The following ABCB4 variants were observed in gnomAD, a reference collection of about 807,000 sequenced individuals.
The protein encoded by ABCB4 is phosphatidylcholine translocator ABCB4.
ABCB4 carries 76 observed loss-of-function variants against 145.7 expected under a neutral mutation model. The observed-to-expected ratio is 0.52, with a 90% CI of 0.43 to 0.63. ABCB4 has a LOEUF of 0.63. Ranked by LOEUF, ABCB4 falls within the 30% of genes least tolerant of loss-of-function variation. ABCB4 has a pLI of 0.00. For missense variants in ABCB4, 1,234 were observed against 1,553.1 expected, an observed-to-expected ratio of 0.79 and a Z score of 3.45; for synonymous variants, 517 against 566.8, an observed-to-expected ratio of 0.91 and a Z score of 1.25.
chr7:87,387,594 A>G, the ABCB4 span, among the ~76,000 whole-genome samples: 1 of 152,120 alleles, frequency 6.6e-6, no homozygotes, highest in Admixed American at 6.5e-5. Context: ...CACATTTTGT[A>G]TATGTATTAT....
upstream of ABCB4, chr7:87,475,687 G>A: frequency 1.7e-6 from 1 of 586,306 alleles, no homozygotes; most frequent in Non-Finnish European, 3.0e-6. Context: ...CGCTGCAGCA[G>A]AGGGGCCTGG....
chr7:87,460,137 A>C (rs1812354460), intron 4 of ABCB4, among the ~76,000 whole-genome samples: 1 of 152,190 alleles, frequency 6.6e-6, no homozygotes, highest in Admixed American at 6.5e-5. Context: ...GGAAGGTCAG[A>C]CCATTTAATA....
intron 25 of ABCB4, among the ~76,000 whole-genome samples, chr7:87,406,895 A>G (rs1808239717): frequency 6.6e-6 from 1 of 152,108 alleles, no homozygotes; most frequent in Admixed American, 6.5e-5. Flanking sequence ...ACAGCAGTGA[A>G]AAAGCTGATC....
At chr7:87,431,632 T>G in intron 14 of ABCB4, 67 bp from the exon 15 acceptor site, 1 of 1,590,082 alleles carries the variant, frequency 6.3e-7, no homozygotes, top group Non-Finnish European at 8.6e-7. Context: ...ACATGCACAG[T>G]TAAGCACTTG....
intron 17 of ABCB4, among the ~76,000 whole-genome samples, chr7:87,423,229 G>A (rs567032762): frequency 2.0e-5 from 3 of 152,262 alleles, no homozygotes; most frequent in African/African-American, 7.2e-5. Context: ...GGAATTGATG[G>A]AGGCTTTATA....
rs1178936087 is a variant in ABCB4 at position 87,443,694 on chromosome 7, T to G, written c.1199A>C (p.His400Pro). Residue 400 changes from histidine (H) to proline (P), a missense_variant, in exon 11 of 28, where the codon CAC becomes CCC. His to Pro is a moderately conservative substitution (Grantham distance 77). Around this residue, in one of 7 missense-constraint regions of ABCB4, gnomAD observed 467 missense variants for 632.8 expected, o/e 0.74. Transcript: ENST00000649586. ...GTTAGCTCGAGAAGGGTAAGAAAAG[T>G]GAACATCATTGAACTCCAAATTCCC... ...IKGNLEFNDV[H>P]FSYPSRANVK... 1 of 1,613,896 alleles carries G rather than the reference T, an allele frequency of 6.2e-7. No individual in the cohort carries two copies. The highest frequency in any genetic ancestry group is 1.3e-5 in the African/African-American group (1 of 74,938).
intron 3 of ABCB4, among the ~76,000 whole-genome samples, chr7:87,464,178 C>T (rs989767458): frequency 6.6e-6 from 1 of 152,120 alleles, no homozygotes; most frequent in Admixed American, 6.5e-5. Context: ...GTCAATAACC[C>T]GGGTGAGGCT....
chr7:87,390,706 TG>T, the ABCB4 span, among the ~76,000 whole-genome samples: 2 of 152,204 alleles, frequency 1.3e-5, no homozygotes, highest in Non-Finnish European at 2.9e-5. Context: ...GATATCACCC[TG>T]GGGAACTTCT....
chr7:87,472,016 G>A (rs1026868082), intron 3 of ABCB4, among the ~76,000 whole-genome samples: 1 of 152,168 alleles, frequency 6.6e-6, no homozygotes, highest in Non-Finnish European at 1.5e-5. Flanking sequence ...TCTTGAAATT[G>A]TTGAGTTTGC....
At chr7:87,465,598 C>A (rs954758873) in intron 3 of ABCB4, among the ~76,000 whole-genome samples, 9 of 152,206 alleles carry the variant, frequency 5.9e-5, no homozygotes, top group Admixed American at 4.6e-4. Flanking sequence ...GGACAGACTG[C>A]CTTCTCAAGT....
In ABCB4 at chr7:87,426,627, A is replaced by G. The variant is rs866246464; in HGVS notation, c.2064+123T>C. 5.2e-6 allele frequency: 5 copies of G among 958,830 alleles called. No homozygotes were observed. In the Middle Eastern group the frequency reaches 1.3e-3, roughly 249 times the overall value. 59.4% of individuals were successfully genotyped at this position (958,830 alleles called of 1,614,324 possible). ...TTAAAATTTGAAAATTTTTTTCTTT[A>G]CAAAGAGTATGGCTCATAGTAGCAG... On this transcript the variant is annotated intron_variant, in intron 16 of 27. Transcript: ENST00000649586.
chr7:87,401,103 A>C (rs1440084721), downstream of ABCB4, among the ~76,000 whole-genome samples: 1 of 152,226 alleles, frequency 6.6e-6, no homozygotes. Context: ...GCAGTAATGT[A>C]CTTTTTGCCC....
At chr7:87,458,231 C>T (rs369101416) in intron 4 of ABCB4, among the ~76,000 whole-genome samples, 1 of 152,180 alleles carries the variant, frequency 6.6e-6, no homozygotes, top group East Asian at 1.9e-4. Flanking sequence ...AAGTCCTTGA[C>T]ACTCTGCAGA....
chr7:87,429,567 A>G (rs1411883628), intron 15 of ABCB4, among the ~76,000 whole-genome samples: 1 of 152,252 alleles, frequency 6.6e-6, no homozygotes, highest in Non-Finnish European at 1.5e-5. Context: ...TGGCAATAGG[A>G]CAGCCAAGTG....
At chr7:87,466,065 T>G (rs962736194) in intron 3 of ABCB4, among the ~76,000 whole-genome samples, 2 of 152,044 alleles carry the variant, frequency 1.3e-5, no homozygotes, top group Admixed American at 6.6e-5. Flanking sequence ...CTTTGATGAG[T>G]TGAGAGAAGA....
At chr7:87,448,559 T>G (rs1052969570) in intron 8 of ABCB4, 2 of 152,248 alleles carry the variant, frequency 1.3e-5, no homozygotes, top group African/African-American at 4.8e-5. Context: ...GACTTGCATC[T>G]GCCCAGTGTG....
intron 9 of ABCB4, 124 bp from the exon 10 acceptor site, chr7:87,445,099 T>C: frequency 2.8e-6 from 2 of 718,594 alleles, no homozygotes; most frequent in Non-Finnish European, 4.7e-6. Context: ...TCCTTTTTTT[T>C]TTGTGGAAGA....
chr7:87,404,253 T>G (rs1808020226), intron 26 of ABCB4, among the ~76,000 whole-genome samples: 1 of 152,182 alleles, frequency 6.6e-6, no homozygotes, highest in South Asian at 2.1e-4. Flanking sequence ...TACGTCAGTG[T>G]AACCCAGTGG....
chr7:87,458,567 C>T (rs908332468), intron 4 of ABCB4, among the ~76,000 whole-genome samples: 2 of 152,264 alleles, frequency 1.3e-5, no homozygotes, highest in Admixed American at 6.5e-5. Context: ...CTGTTCCCAA[C>T]CCCCATGATT....
Sources: gnomAD v4.1 joint callset for allele counts (sites outside exome capture counted in the v4.1 genomes callset) on GRCh38, gnomAD v4.1.1 for gene constraint, gnomAD v4.1.1 regional missense constraint, MANE v1.5 for transcripts, NCBI Gene and HGNC (gene_info 2026-07-23, HGNC 2026-07-21) for gene names.